Variants in PIK3CD observed in about 807,000 individuals in gnomAD.
The protein encoded by PIK3CD is phosphatidylinositol-4,5-bisphosphate 3-kinase catalytic subunit delta, also known as phosphatidylinositol 4,5-bisphosphate 3-kinase catalytic subunit delta isoform.
Under a neutral mutation model 122.9 loss-of-function variants are expected in PIK3CD, and 20 were observed. The ratio of observed to expected loss-of-function variants is 0.16; its 90% CI spans 0.11 to 0.24. The LOEUF (loss-of-function observed/expected upper bound fraction) is 0.24. PIK3CD is among the 10% of genes least tolerant of loss of function. The probability of loss-of-function intolerance (pLI) is 1.00; values close to 1 mark genes in which losing one functional copy is unlikely to be tolerated. For synonymous variants in PIK3CD, 596 were observed against 593.4 expected (o/e 1.00, Z -0.06); for missense variants, 787 against 1,406.3 (o/e 0.56, Z 7.04).
chr1:9,686,365 C>CTTTTT lies in PIK3CD; in HGVS notation c.-137-5090_-137-5086dup, dbSNP rs59087456. On this transcript the variant is annotated intron_variant, in intron 1 of 23. Transcript: ENST00000377346. ...AATGCCACCATGCCAGGCTAATTTT[C>CTTTTT]TTTTTTTTTTTTTTTTAGTAGAGAC... 2.3e-3 allele frequency among the ~76,000 whole-genome samples: 311 copies of CTTTTT among 137,686 alleles called. 1 individual carries two copies. In the Middle Eastern group the frequency reaches 0.034, roughly 15 times the overall value. 90.3% of individuals were successfully genotyped at this position (137,686 alleles called of 152,430 possible).
At chr1:9,702,972 C>T (rs537122518) in intron 2 of PIK3CD, among the ~76,000 whole-genome samples, 1 of 152,268 alleles carries the variant, frequency 6.6e-6, no homozygotes, top group Non-Finnish European at 1.5e-5. Flanking sequence ...CTGAAGAGTC[C>T]AGGGATAGAC....
chr1:9,710,689 A>T lies in PIK3CD; in HGVS notation c.141+93A>T, dbSNP rs972579224. The stretch of plus-strand genomic sequence containing the variant: ...GACAGACAGACAGACAGACAGATGG[A>T]CAGGTGGACAGACGGACAGACAGAT... On this transcript the variant is annotated intron_variant, in intron 3 of 23. Transcript: ENST00000377346. This position sits in a 1 kb window ranked among gnomAD's most constrained non-coding sequence, Gnocchi z 4.7. The T allele has an allele frequency of 2.2e-6, 3 of 1,385,386 alleles. No individual in the cohort carries two copies. The highest frequency in any genetic ancestry group is 1.4e-5 in the African/African-American group (1 of 70,440). The allele number at this position is 1,385,386 out of a possible 1,614,324, so 85.8% of individuals were successfully genotyped here.
rs750264393 is a variant in PIK3CD at position 9,716,573 on chromosome 1, G to C, written c.734G>C (p.Gly245Ala). The C allele has an allele frequency of 1.3e-6, 2 of 1,591,684 alleles. No homozygotes were observed. The highest frequency in any genetic ancestry group is 1.7e-6 in the Non-Finnish European group (2 of 1,170,866). Residue 245 changes from glycine (G) to alanine (A), a missense_variant, in exon 6 of 24, where the codon GGC becomes GCC. This residue lies in a region of PIK3CD where 592 missense variants were observed against 920.6 expected (regional missense o/e 0.64). Coordinates refer to ENST00000377346, the MANE Select transcript of PIK3CD (RefSeq NM_005026.5). Reference sequence around the variant, plus strand: ...GAAGACTACACGCTGCAGGTGAACGGCAGGCATGAGTACCTGTATGGCAGC... The same window carrying C: ...GAAGACTACACGCTGCAGGTGAACGCCAGGCATGAGTACCTGTATGGCAGC... ...QPEDYTLQVN[G>A]RHEYLYGSYP...
intron 1 of PIK3CD, among the ~76,000 whole-genome samples, chr1:9,684,817 G>T (rs1227068403): frequency 2.1e-5 from 3 of 141,152 alleles, no homozygotes; most frequent in Non-Finnish European, 4.5e-5. Context: ...CTGCACTCCA[G>T]CCTGGGTCAC....
chr1:9,702,768 G>T (rs1346432280), intron 2 of PIK3CD, among the ~76,000 whole-genome samples: 2 of 151,986 alleles, frequency 1.3e-5, no homozygotes. Flanking sequence ...TGATCCACCT[G>T]CCTCAGCCTC....
chr1:9,660,097 C>G (rs1310702570), intron 1 of PIK3CD, among the ~76,000 whole-genome samples: 62 of 152,320 alleles, frequency 4.1e-4, no homozygotes, highest in African/African-American at 1.4e-3. Flanking sequence ...GTACTTTCAG[C>G]AGACGGGCTT....
intron 2 of PIK3CD, among the ~76,000 whole-genome samples, chr1:9,708,000 TAGCC>T (rs1646907528): frequency 6.6e-6 from 1 of 151,882 alleles, no homozygotes; most frequent in African/African-American, 2.4e-5. Flanking sequence ...TTCACTGTGT[TAGCC>T]AGGATGGTCT....
intron 1 of PIK3CD, among the ~76,000 whole-genome samples, chr1:9,655,066 C>CAAAA (rs201406696): frequency 3.2e-5 from 4 of 124,864 alleles, no homozygotes; most frequent in Admixed American, 8.2e-5. Flanking sequence ...GACTACATTT[C>CAAAA]AAAAAAAAAA....
the PIK3CD span, among the ~76,000 whole-genome samples, chr1:9,633,658 T>C: frequency 1.3e-5 from 2 of 152,346 alleles, no homozygotes; most frequent in African/African-American, 4.8e-5. Context: ...GACTAGGTCA[T>C]AGGTCATGTC....
At chr1:9,716,388 AG>A (rs1647444664) in intron 5 of PIK3CD, 51 bp from the exon 6 acceptor site, 1 of 1,582,322 alleles carries the variant, frequency 6.3e-7, no homozygotes, top group African/African-American at 1.3e-5. Flanking sequence ...CCTGTGCCCC[AG>A]AACCCCGGGG....
intron 1 of PIK3CD, chr1:9,687,304 G>C (rs1215760488): frequency 6.6e-6 from 1 of 152,236 alleles, no homozygotes; most frequent in African/African-American, 2.4e-5. Flanking sequence ...AAATCTCGTT[G>C]GTGTCCTAGC....
intron 1 of PIK3CD, among the ~76,000 whole-genome samples, chr1:9,679,114 C>G (rs543916176): frequency 7.0e-6 from 1 of 142,462 alleles, no homozygotes; most frequent in South Asian, 2.2e-4. Context: ...GTCGCCCAGG[C>G]TGGAGTGCAA....
At position 9,689,646 on chromosome 1, in the gene PIK3CD, T is replaced by C. The variant is rs1427275549; in HGVS notation, c.-137-1821T>C. On this transcript the variant is annotated intron_variant, in intron 1 of 23. Transcript: ENST00000377346. This position sits in a 1 kb window ranked among gnomAD's most constrained non-coding sequence, Gnocchi z 6.1. Reference sequence around the variant, plus strand: ...CCGGAGGCTGGCGTCTTCCCGTCACTCCGGGACCCGCCCGCTGTGTCCCCT... The same window carrying C: ...CCGGAGGCTGGCGTCTTCCCGTCACCCCGGGACCCGCCCGCTGTGTCCCCT... Among the ~76,000 whole-genome samples the C allele has an allele frequency of 6.6e-6, 1 of 150,688 alleles. No homozygotes were observed. The highest frequency in any genetic ancestry group is 1.5e-5 in the Non-Finnish European group (1 of 67,558).
In PIK3CD at chr1:9,718,936, G is replaced by A. The variant is rs983517821; in HGVS notation, c.1242+21G>A. 6.2e-7 allele frequency: 1 copy of A among 1,607,850 alleles called. No homozygotes were observed. The highest frequency in any genetic ancestry group is 8.5e-7 in the Non-Finnish European group (1 of 1,177,610). On this transcript the variant is annotated intron_variant, in intron 9 of 23. Coordinates refer to ENST00000377346, the MANE Select transcript of PIK3CD (RefSeq NM_005026.5). The surrounding 1 kb of genome is among the most constrained non-coding windows in gnomAD (Gnocchi z 7.2). ...AGGCGGTGGGTCCCAGGGCCGGCTG[G>A]GAGGGGTGCAGACCCCGGAGAGCCA...
chr1:9,661,824 G>A (rs1645017320), intron 1 of PIK3CD, among the ~76,000 whole-genome samples: 1 of 152,078 alleles, frequency 6.6e-6, no homozygotes, highest in African/African-American at 2.4e-5. Context: ...GTGAAACCCT[G>A]TCTCTATTAA....
chr1:9,647,350 C>T (rs576024853), upstream of PIK3CD, among the ~76,000 whole-genome samples: 187 of 151,864 alleles, frequency 1.2e-3, 1 homozygote, highest in African/African-American at 4.4e-3. Flanking sequence ...GTTGAGACTG[C>T]ACCACCGCAC....
chr1:9,661,453 A>G (rs1645005928), intron 1 of PIK3CD, among the ~76,000 whole-genome samples: 1 of 152,106 alleles, frequency 6.6e-6, no homozygotes, highest in Non-Finnish European at 1.5e-5. Flanking sequence ...CAGTGGTGCA[A>G]TCACAGCTCA....
upstream of PIK3CD, among the ~76,000 whole-genome samples, chr1:9,648,312 G>A (rs1014877164): frequency 2.6e-5 from 4 of 152,146 alleles, no homozygotes; most frequent in Admixed American, 6.6e-5. Flanking sequence ...CCATTCTCCC[G>A]GCAGCATCTT....
chr1:9,725,670 A>C (rs1321919658), intron 23 of PIK3CD, among the ~76,000 whole-genome samples: 1 of 151,890 alleles, frequency 6.6e-6, no homozygotes, highest in Non-Finnish European at 1.5e-5. Flanking sequence ...CGAGGTCAGG[A>C]GTTCGAGATC....
Sources: allele counts gnomAD v4.1 joint callset (sites outside exome capture counted in the v4.1 genomes callset), GRCh38; gene constraint gnomAD v4.1.1; regional missense constraint gnomAD v4.1.1; non-coding constraint Gnocchi (gnomAD v3.1); transcripts MANE v1.5; gene names NCBI Gene and HGNC (gene_info 2026-07-23, HGNC 2026-07-21).